PFKFB3: variants seen among roughly 807,000 people sequenced by gnomAD.
The protein encoded by PFKFB3 is 6-phosphofructo-2-kinase/fructose-2,6-biphosphatase 3.
A neutral mutation model predicts 68.0 loss-of-function variants in PFKFB3; 33 were observed. The observed-to-expected ratio is 0.49, with a 90% CI of 0.37 to 0.65. The LOEUF (loss-of-function observed/expected upper bound fraction) is 0.65. PFKFB3 is among the 30% of genes least tolerant of loss of function. The pLI is 0.00. For missense variants in PFKFB3, 586 were observed against 712.2 expected (o/e 0.82, Z 2.02); for synonymous variants, 315 against 288.2 (o/e 1.09, Z -0.94).
chr10:6,319,866 A>G, the PFKFB3 span, among the ~76,000 whole-genome samples: 1 of 152,192 alleles, frequency 6.6e-6, no homozygotes, highest in Non-Finnish European at 1.5e-5. Context: ...ACAACAAAAC[A>G]TCTTGTTAAA....
the PFKFB3 span, among the ~76,000 whole-genome samples, chr10:6,306,678 T>A: frequency 1.3e-5 from 2 of 152,196 alleles, no homozygotes; most frequent in Non-Finnish European, 2.9e-5. Flanking sequence ...GAGCCTCTAT[T>A]CAACATAATA....
chr10:6,290,171 C>T, the PFKFB3 span, among the ~76,000 whole-genome samples: 1 of 152,100 alleles, frequency 6.6e-6, no homozygotes, highest in Non-Finnish European at 1.5e-5. Context: ...TTGACTTCCT[C>T]TTCTCCTAAT....
chr10:6,245,402 T>TTTATTATTATTATTA (rs60958617), intron 14 of PFKFB3, among the ~76,000 whole-genome samples: 39 of 147,068 alleles, frequency 2.7e-4, no homozygotes, highest in African/African-American at 4.8e-4. Context: ...GCCTATTTGA[T>TTTATTATTATTATTA]TTATTATTAT....
chr10:6,202,824 C>G (rs1394149959), upstream of PFKFB3: 8 of 960,774 alleles, frequency 8.3e-6, no homozygotes, highest in East Asian at 1.1e-4. Context: ...CCCTCCTCCC[C>G]ACGTGGAAGG....
intron 14 of PFKFB3, among the ~76,000 whole-genome samples, chr10:6,251,733 G>A (rs1193202533): frequency 6.6e-6 from 1 of 152,198 alleles, no homozygotes; most frequent in African/African-American, 2.4e-5. Context: ...CATTTTGGGA[G>A]GCCGAGGAGG....
At chr10:6,144,978 CG>C in exon 1 of PFKFB3, 1 of 1,298,296 alleles carries the variant, frequency 7.7e-7, no homozygotes, top group South Asian at 2.2e-5. Flanking sequence ...GCCGGCCCCG[CG>C]GGGAGCGCCC....
chr10:6,255,304 A>G (rs1440663863), downstream of PFKFB3, among the ~76,000 whole-genome samples: 1 of 151,272 alleles, frequency 6.6e-6, no homozygotes, highest in Admixed American at 6.6e-5. Flanking sequence ...TTGTGTTTTT[A>G]GTAGAGATGG....
Position 6,204,058 on chromosome 10 carries a change from GCCCCGGGCGCACGCACC to G in PFKFB3, c.76+729_76+745del, listed in dbSNP as rs1196754632. 1.4e-3 allele frequency among the ~76,000 whole-genome samples: 209 copies of G among 152,298 alleles called. 1 individual carries two copies. The highest frequency in any genetic ancestry group is 4.5e-3 in the African/African-American group (188 of 41,578). ...GTGCACGGTTGGCGCTGCTCCACGC[GCCCCGGGCGCACGCACC>G]CCCCGGTGCTCGGAATTGGCTGGCA... is the stretch of plus-strand genomic sequence containing the variant. On this transcript the variant is annotated intron_variant, in intron 1 of 14. Coordinates refer to ENST00000379775, the MANE Select transcript of PFKFB3 (RefSeq NM_004566.4).
chr10:6,275,095 G>T, the PFKFB3 span, among the ~76,000 whole-genome samples: 12 of 152,188 alleles, frequency 7.9e-5, no homozygotes, highest in African/African-American at 2.4e-4. The surrounding 1 kb of genome is among the most constrained non-coding windows in gnomAD (Gnocchi z 4.9). Context: ...GGCGACTCTG[G>T]GTGGATTGTC....
the PFKFB3 span, chr10:6,294,160 G>C: frequency 2.0e-6 from 1 of 510,010 alleles, no homozygotes; most frequent in Non-Finnish European, 4.0e-6. Flanking sequence ...CCTATGTGTT[G>C]AGAGAGCTCT....
chr10:6,229,054 AC>A lies in PFKFB3; in HGVS notation c.1515+2692del, dbSNP rs1845556140. ...CATCCCCTTGCCCCCCCAAAAACAC[AC>A]CCGCCCCTTTATTTCCTGTTTGCTC... On this transcript the variant is annotated intron_variant, in intron 14 of 14. Coordinates refer to ENST00000379775, the MANE Select transcript of PFKFB3 (RefSeq NM_004566.4). The surrounding 1 kb of genome is among the most constrained non-coding windows in gnomAD (Gnocchi z 4.3). 1.2e-5 allele frequency: 6 copies of A among 500,204 alleles called. No homozygotes were observed. The Admixed American group carries it at 1.3e-4, about 11-fold the overall frequency. 31.0% of individuals were successfully genotyped at this position (500,204 alleles called of 1,614,324 possible).
chr10:6,277,355 G>A, the PFKFB3 span, among the ~76,000 whole-genome samples: 1 of 151,692 alleles, frequency 6.6e-6, no homozygotes, highest in South Asian at 2.1e-4. Flanking sequence ...TGAGTAGCTG[G>A]GATTACAGGT....
intron 14 of PFKFB3, among the ~76,000 whole-genome samples, chr10:6,232,498 G>A (rs992939784): frequency 4.6e-5 from 7 of 152,182 alleles, no homozygotes; most frequent in African/African-American, 7.2e-5. Context: ...GAGAGGAGGG[G>A]CCCTGTGTGT....
rs954585582 is a variant in PFKFB3 at position 6,189,761 on chromosome 10, C to T, written c.17-23862C>T. On this transcript the variant is annotated intron_variant, in intron 1 of 14. Coordinates refer to the PFKFB3 transcript ENST00000379789. ...AACTCCTGACCTCAAGTGATCCGCC[C>T]GCCTCGGCCTCCCAGAGTGCTGGGA... Among the ~76,000 whole-genome samples, 20 of 151,964 alleles carry T rather than the reference C, an allele frequency of 1.3e-4. No individual in the cohort carries two copies. In the East Asian group the frequency reaches 2.7e-3, roughly 21 times the overall value.
rs1554841427 is a variant in PFKFB3 at position 6,166,842 on chromosome 10, T to TA, written c.16+21830dup. Reference sequence around the variant, plus strand: ...TCTTCTTTTTTTTTTTTTTTTTTTTTATTTGAGACAGAGTTTGGCTCTTGT... The same window carrying TA: ...TCTTCTTTTTTTTTTTTTTTTTTTTTAATTTGAGACAGAGTTTGGCTCTTGT... On this transcript the variant is annotated intron_variant, in intron 1 of 14. Coordinates refer to the PFKFB3 transcript ENST00000379789. Among the ~76,000 whole-genome samples the TA allele has an allele frequency of 8.0e-5, 9 of 112,014 alleles. No individual in the cohort carries two copies. In the East Asian group the frequency reaches 2.5e-3, roughly 31 times the overall value. 73.5% of individuals were successfully genotyped at this position (112,014 alleles called of 152,430 possible).
At chr10:6,270,021 A>G in the PFKFB3 span, among the ~76,000 whole-genome samples, 1 of 152,056 alleles carries the variant, frequency 6.6e-6, no homozygotes, top group Non-Finnish European at 1.5e-5. Context: ...AGTCCCAGCC[A>G]CTTGGGAGGC....
the PFKFB3 span, among the ~76,000 whole-genome samples, chr10:6,318,917 G>A: frequency 3.1e-3 from 465 of 152,206 alleles, 6 homozygotes; most frequent in African/African-American, 0.01. Flanking sequence ...TGGGTTCCAC[G>A]GTCACCCTGG....
intron 1 of PFKFB3, among the ~76,000 whole-genome samples, chr10:6,197,022 T>C (rs532870452): frequency 6.6e-6 from 1 of 151,856 alleles, no homozygotes; most frequent in South Asian, 2.1e-4. Context: ...TCTTGCTCTG[T>C]CCCCCAGGCT....
intron 14 of PFKFB3, chr10:6,231,380 C>G: frequency 6.2e-7 from 1 of 1,607,622 alleles, no homozygotes; most frequent in Non-Finnish European, 8.5e-7. Flanking sequence ...TGTGTGCAGA[C>G]TGGCCATCGT....
Sources: allele counts gnomAD v4.1 joint callset (sites outside exome capture counted in the v4.1 genomes callset), GRCh38; gene constraint gnomAD v4.1.1; non-coding constraint Gnocchi (gnomAD v3.1); transcripts MANE v1.5; gene names NCBI Gene and HGNC (gene_info 2026-07-23, HGNC 2026-07-21).